The following TRABD2B variants were observed in gnomAD, a reference collection of about 807,000 sequenced individuals.
The protein encoded by TRABD2B is TraB domain containing 2B.
TRABD2B carries 14 observed loss-of-function variants against 40.1 expected under a neutral mutation model. That is an observed-to-expected ratio of 0.35 (90% CI 0.23 to 0.55). The LOEUF is 0.55. Ranked by LOEUF, TRABD2B falls within the 20% of genes least tolerant of loss-of-function variation. TRABD2B has a pLI of 0.90. For missense variants in TRABD2B, 541 were observed against 648.6 expected, an observed-to-expected ratio of 0.83 and a Z score of 1.80; for synonymous variants, 263 against 277.0, an observed-to-expected ratio of 0.95 and a Z score of 0.50.
intron 2 of TRABD2B, among the ~76,000 whole-genome samples, chr1:47,941,021 G>C (rs1394898135): frequency 6.6e-6 from 1 of 152,098 alleles, no homozygotes; most frequent in African/African-American, 2.4e-5. Context: ...CTGGCTGGCT[G>C]TCTCTGTCCC....
intron 2 of TRABD2B, among the ~76,000 whole-genome samples, chr1:47,829,645 C>G (rs567521159): frequency 2.7e-4 from 41 of 152,288 alleles, no homozygotes; most frequent in African/African-American, 8.2e-4. Flanking sequence ...TCCTGGTCCT[C>G]CCTTCCTTAT....
intron 2 of TRABD2B, among the ~76,000 whole-genome samples, chr1:47,930,526 C>T (rs1026414623): frequency 6.6e-6 from 1 of 152,218 alleles, no homozygotes; most frequent in Non-Finnish European, 1.5e-5. Flanking sequence ...GCCTGCCCTC[C>T]TCCCTGCTAC....
intron 2 of TRABD2B, among the ~76,000 whole-genome samples, chr1:47,973,191 C>G (rs1398107111): frequency 6.6e-6 from 1 of 152,170 alleles, no homozygotes; most frequent in African/African-American, 2.4e-5. Context: ...CTAGGAAAGG[C>G]TAGAAGGTAT....
chr1:47,802,758 TCTCCGGGCACACCCCCTCCC>T, intron 2 of TRABD2B, among the ~76,000 whole-genome samples: 1 of 152,220 alleles, frequency 6.6e-6, no homozygotes, highest in South Asian at 2.1e-4. Context: ...GTCCCGCCCA[TCTCCGGGCACACCCCCTCCC>T]TTCTCTTCTA....
chr1:47,768,206 T>C (rs1293345341), intron 6 of TRABD2B, among the ~76,000 whole-genome samples: 1 of 152,210 alleles, frequency 6.6e-6, no homozygotes, highest in African/African-American at 2.4e-5. Flanking sequence ...CCTGGTGTGA[T>C]GTGCCATGAT....
At chr1:47,993,945 C>T in intron 2 of TRABD2B, 89 bp downstream of exon 2, 1 of 1,338,148 alleles carries the variant, frequency 7.5e-7, no homozygotes, top group Non-Finnish European at 1.0e-6. Context: ...TGGCTGCCTC[C>T]CCCTCCCCCT....
In TRABD2B at chr1:47,898,399, T is replaced by A. The variant is rs74071806; in HGVS notation, c.666+95635A>T. On this transcript the variant is annotated intron_variant, in intron 2 of 6. Coordinates refer to ENST00000606738, the MANE Select transcript of TRABD2B (RefSeq NM_001194986.2). ...ACCTGCTCTGAGACTCCCATTTGAC[T>A]GACCTCAGGATGGCAGAAGTTTGCC... Among the ~76,000 whole-genome samples the A allele has an allele frequency of 4.9e-3, 749 of 152,264 alleles. 1 individual carries two copies. The highest frequency in any genetic ancestry group is 0.017 in the African/African-American group (716 of 41,536).
intron 4 of TRABD2B, among the ~76,000 whole-genome samples, chr1:47,779,504 G>A (rs1454545728): frequency 2.0e-5 from 3 of 152,206 alleles, no homozygotes; most frequent in Admixed American, 6.5e-5. Context: ...AGTGGAAATC[G>A]TCTTCCTGTG....
chr1:47,786,737 C>T (rs1223328269), intron 4 of TRABD2B, among the ~76,000 whole-genome samples: 1 of 152,064 alleles, frequency 6.6e-6, no homozygotes, highest in Non-Finnish European at 1.5e-5. Flanking sequence ...AGATGAGGGT[C>T]TCACTCTGTC....
At chr1:47,854,830 A>T (rs935392385) in intron 2 of TRABD2B, among the ~76,000 whole-genome samples, 2 of 150,842 alleles carry the variant, frequency 1.3e-5, no homozygotes, top group Non-Finnish European at 2.9e-5. Flanking sequence ...TTATTTAAAA[A>T]GGCAGCTTGT....
intron 2 of TRABD2B, among the ~76,000 whole-genome samples, chr1:47,942,614 G>C (rs769987262): frequency 6.6e-6 from 1 of 152,124 alleles, no homozygotes; most frequent in Admixed American, 6.5e-5. Flanking sequence ...CCGAGGCTTG[G>C]ATCAAAATAA....
chr1:47,836,822 G>A (rs1645325652), intron 2 of TRABD2B, among the ~76,000 whole-genome samples: 1 of 152,188 alleles, frequency 6.6e-6, no homozygotes, highest in African/African-American at 2.4e-5. Flanking sequence ...ACAGCTAGAA[G>A]ACTGCCTTTT....
At chr1:47,975,893 G>A (rs112304504) in intron 2 of TRABD2B, among the ~76,000 whole-genome samples, 2 of 152,170 alleles carry the variant, frequency 1.3e-5, no homozygotes, top group African/African-American at 2.4e-5. Context: ...AGTGACAAGA[G>A]GAAGGACAGA....
At chr1:47,917,792 C>T (rs917563971) in intron 2 of TRABD2B, among the ~76,000 whole-genome samples, 1 of 152,092 alleles carries the variant, frequency 6.6e-6, no homozygotes, top group Non-Finnish European at 1.5e-5. Context: ...TCCCTCTTGT[C>T]TTTTCCTGAA....
intron 2 of TRABD2B, among the ~76,000 whole-genome samples, chr1:47,828,809 A>G (rs1040167271): frequency 4.6e-5 from 7 of 152,194 alleles, no homozygotes; most frequent in Admixed American, 3.3e-4. Flanking sequence ...AAGATCAGGG[A>G]GTTTTAGACT....
At chr1:47,769,564 G>A (rs1448871183) in intron 6 of TRABD2B, among the ~76,000 whole-genome samples, 1 of 152,192 alleles carries the variant, frequency 6.6e-6, no homozygotes, top group African/African-American at 2.4e-5. Flanking sequence ...CACCTCCTGG[G>A]CCTGATTCTG....
chr1:47,768,559 C>A (rs1644336614), intron 6 of TRABD2B, among the ~76,000 whole-genome samples: 2 of 152,092 alleles, frequency 1.3e-5, no homozygotes, highest in South Asian at 4.1e-4. Context: ...CTTTGATCTG[C>A]CTTCCATCCC....
intron 2 of TRABD2B, among the ~76,000 whole-genome samples, chr1:47,836,735 G>A (rs577444142): frequency 6.6e-6 from 1 of 152,256 alleles, no homozygotes; most frequent in Admixed American, 6.5e-5. Flanking sequence ...TTATGTGGGC[G>A]GAGCCCTCAT....
At chr1:47,778,087 G>C (rs1326209474) in intron 5 of TRABD2B, among the ~76,000 whole-genome samples, 1 of 152,152 alleles carries the variant, frequency 6.6e-6, no homozygotes, top group African/African-American at 2.4e-5. Context: ...AAAGAGACCA[G>C]GGCCCTGCCC....
Sources: allele counts gnomAD v4.1 joint callset (sites outside exome capture counted in the v4.1 genomes callset), GRCh38; gene constraint gnomAD v4.1.1; transcripts MANE v1.5; gene names NCBI Gene and HGNC (gene_info 2026-07-23, HGNC 2026-07-21).